Variants in ADCYAP1 observed in about 807,000 individuals in gnomAD.
ADCYAP1 encodes the protein adenylate cyclase activating polypeptide 1.
A neutral mutation model predicts 18.5 loss-of-function variants in ADCYAP1; 6 were observed. That is an observed-to-expected ratio of 0.32 (90% CI 0.18 to 0.64). ADCYAP1 has a LOEUF of 0.64. ADCYAP1 is among the 30% of genes least tolerant of loss of function. The pLI is 0.77. For missense variants in ADCYAP1, 314 were observed against 253.6 expected (o/e 1.24, Z -1.62); for synonymous variants, 136 against 113.9 (o/e 1.19, Z -1.24).
At position 907,519 on chromosome 18, in the gene ADCYAP1, C is replaced by T. The variant is rs1043448369; in HGVS notation, c.111-140C>T. On this transcript the variant is annotated intron_variant, in intron 2 of 4. Coordinates refer to ENST00000450565, the MANE Select transcript of ADCYAP1 (RefSeq NM_001099733.2). The stretch of plus-strand genomic sequence containing the variant: ...TCCTCCTTACCTCTGCTCCCACCCC[C>T]AGTCCTGGGAGAAGAGACAATTCTC... 42 of 911,434 alleles carry T rather than the reference C, an allele frequency of 4.6e-5. No individual in the cohort carries two copies. In the African/African-American group the frequency reaches 6.3e-4, roughly 14 times the overall value. The allele number at this position is 911,434 out of a possible 1,614,324, so 56.5% of individuals were successfully genotyped here.
chr18:907,141 A>G (rs2689002), intron 2 of ADCYAP1, among the ~76,000 whole-genome samples: 150,515 of 152,320 alleles, frequency 0.99, 74,392 homozygotes, highest in Middle Eastern at 1. Context: ...ATCTGCTCGG[A>G]GAAGGGCTCC....
upstream of ADCYAP1, chr18:904,750 A>G: frequency 1.6e-6 from 2 of 1,255,654 alleles, no homozygotes; most frequent in Non-Finnish European, 2.1e-6. Context: ...ACTTACGGCC[A>G]CCTTGCTCCT....
rs1297698447 is a variant in ADCYAP1 at position 906,851 on chromosome 18, C to T, written c.111-808C>T. On this transcript the variant is annotated intron_variant, in intron 2 of 4. Coordinates refer to ENST00000450565, the MANE Select transcript of ADCYAP1 (RefSeq NM_001099733.2). ...CGCCAGGCACTCGCTGGATCTCGGT[C>T]CCCCTCCTCGTGCTCTGGGGTTGAG... Among the ~76,000 whole-genome samples the T allele has an allele frequency of 4.6e-5, 7 of 152,338 alleles. No homozygotes were observed. In the South Asian group the frequency reaches 1.2e-3, roughly 27 times the overall value.
intron 1 of ADCYAP1, 150 bp from the exon 2 acceptor site, chr18:905,236 G>A (rs948410989): frequency 6.8e-6 from 10 of 1,469,600 alleles, no homozygotes; most frequent in South Asian, 1.4e-5. Context: ...AAGTGGCAGG[G>A]CGCGCACCGG....
At chr18:904,736 G>T, upstream of ADCYAP1, 1 of 1,245,136 alleles carries the variant, frequency 8.0e-7, no homozygotes, top group Non-Finnish European at 1.0e-6. Context: ...CTTCCTCCGG[G>T]TGGACTTACG....
intron 2 of ADCYAP1, chr18:906,258 G>T (rs190806002): frequency 2.6e-5 from 4 of 152,364 alleles, no homozygotes; most frequent in African/African-American, 9.7e-5. Context: ...TCTTAACCCC[G>T]GGTTTCTAAC....
At chr18:905,277 C>T (rs1208213457) in intron 1 of ADCYAP1, 109 bp from the exon 2 acceptor site, 2 of 1,520,578 alleles carry the variant, frequency 1.3e-6, no homozygotes, top group Non-Finnish European at 1.8e-6. Flanking sequence ...ACTCAGGGAG[C>T]CGGGGCTTCG....
At chr18:908,205 C>G in intron 3 of ADCYAP1, 60 bp from the exon 4 acceptor site, 1 of 1,489,372 alleles carries the variant, frequency 6.7e-7, no homozygotes, top group Admixed American at 1.9e-5. Context: ...AAGGGGGTCT[C>G]TAGCGGCCAC....
chr18:907,789 A>G lies in ADCYAP1; in HGVS notation c.241A>G (p.Arg81Gly). The G allele has an allele frequency of 7.0e-7, 1 of 1,434,378 alleles. No individual in the cohort carries two copies. Among genetic ancestry groups the G allele is most frequent in the Non-Finnish European group, 9.0e-7 (1 of 1,108,712 alleles). The allele number at this position is 1,434,378 out of a possible 1,614,324, so 88.9% of individuals were successfully genotyped here. Residue 81 changes from arginine to glycine, a missense_variant and splice_region_variant, in exon 3 of 5, where the codon AGA becomes GGA. Coordinates refer to ENST00000450565, the MANE Select transcript of ADCYAP1 (RefSeq NM_001099733.2). ...CGCCTGGTACCGCCCGGCCGGGAGA[A>G]GGTGAGATTCGCGCGGCCTCGCGCA... Reference protein sequence around the residue: ...AAAWYRPAGRRDVAHGILNEA... With the variant: ...AAAWYRPAGRGDVAHGILNEA...
Position 907,783 on chromosome 18 carries a change from G to A in ADCYAP1, c.235G>A (p.Gly79Arg), listed in dbSNP as rs755917178. The part of the protein sequence containing the change: ...RAAAAWYRPA[G>R]RRDVAHGILN... ...CGCCGCCGCCTGGTACCGCCCGGCC[G>A]GGAGAAGGTGAGATTCGCGCGGCCT... The change falls in exon 3 of 5, where the codon GGG becomes AGG. Residue 79 changes from glycine to arginine, a missense_variant. Gly to Arg is a moderately radical substitution (Grantham distance 125). Transcript: ENST00000450565. 9 of 1,439,996 alleles carry A rather than the reference G, an allele frequency of 6.3e-6. No individual in the cohort carries two copies. Among genetic ancestry groups the A allele is most frequent in the Admixed American group, 3.1e-5 (1 of 32,758 alleles). 89.2% of individuals were successfully genotyped at this position (1,439,996 alleles called of 1,614,324 possible).
At chr18:909,143 A>G (rs941293083) in intron 4 of ADCYAP1, among the ~76,000 whole-genome samples, 1 of 148,526 alleles carries the variant, frequency 6.7e-6, no homozygotes, top group Non-Finnish European at 1.5e-5. Flanking sequence ...GTCGGATCTC[A>G]AGGGGGCAGC....
At position 910,404 on chromosome 18, in the gene ADCYAP1, G is replaced by T. The variant is rs1485378560; in HGVS notation, c.*769G>T. 1.3e-5 allele frequency: 2 copies of T among 152,254 alleles called. No individual in the cohort carries two copies. Among genetic ancestry groups the T allele is most frequent in the African/African-American group, 4.8e-5 (2 of 41,456 alleles). The allele number at this position is 152,254 out of a possible 1,614,324, so 9.4% of individuals were successfully genotyped here. On this transcript the variant is annotated 3_prime_UTR_variant, in exon 5 of 5. Coordinates refer to ENST00000450565, the MANE Select transcript of ADCYAP1 (RefSeq NM_001099733.2). ...GAATTCACGCCTCTCCCTAGGAGAA[G>T]AGTTGAGGAACTGTACAGAAAAGGG...
At chr18:909,374 C>T (rs1284922009) in intron 4 of ADCYAP1, 72 bp from the exon 5 acceptor site, 4 of 1,486,764 alleles carry the variant, frequency 2.7e-6, no homozygotes, top group African/African-American at 1.4e-5. Context: ...GGGTGGGGCC[C>T]GCCTGCTCCC....
rs1038914852 is a variant in ADCYAP1, at chr18:910,484, AT to A, written c.*850del. ...ACTTCCTGAGTGGCCAGGGAATCTA[AT>A]ATCCCCAAATTAGGGCAATTGGAAC... is the stretch of plus-strand genomic sequence containing the variant. On this transcript the variant is annotated 3_prime_UTR_variant, in exon 5 of 5. Coordinates refer to ENST00000450565, the MANE Select transcript of ADCYAP1 (RefSeq NM_001099733.2). 2 of 152,218 alleles carry A rather than the reference AT, an allele frequency of 1.3e-5. No individual in the cohort carries two copies. Among genetic ancestry groups the A allele is most frequent in the African/African-American group, 4.8e-5 (2 of 41,456 alleles). 9.4% of individuals were successfully genotyped at this position (152,218 alleles called of 1,614,324 possible). A position where few individuals can be genotyped will look rare whatever the true frequency, so the allele number is the denominator to read the frequency against.
chr18:911,372 AT>A lies in ADCYAP1; in HGVS notation c.*1740del, dbSNP rs1356819909. ...TCTCCCAAATTTCAGGCACAAGTTTATTTATTTATTTTTTTATGTTTTGAAA... is the reference window on the plus strand; with the variant it reads ...TCTCCCAAATTTCAGGCACAAGTTTATTATTTATTTTTTTATGTTTTGAAA... On this transcript the variant is annotated 3_prime_UTR_variant, in exon 5 of 5. Coordinates refer to ENST00000450565, the MANE Select transcript of ADCYAP1 (RefSeq NM_001099733.2). 3.6e-5 allele frequency: 1 copy of A among 27,534 alleles called. No individual in the cohort carries two copies. Among genetic ancestry groups the A allele is most frequent in the Non-Finnish European group, 1.2e-4 (1 of 8,168 alleles). 1.7% of individuals were successfully genotyped at this position (27,534 alleles called of 1,614,324 possible).
At chr18:909,105 A>T (rs1308650539) in intron 4 of ADCYAP1, among the ~76,000 whole-genome samples, 1 of 152,106 alleles carries the variant, frequency 6.6e-6, no homozygotes, top group African/African-American at 2.4e-5. Flanking sequence ...AGGAACAGCG[A>T]GGACAATTTA....
Position 907,639 on chromosome 18 carries a change from T to C in ADCYAP1, c.111-20T>C. On this transcript the variant is annotated intron_variant, in intron 2 of 4. Coordinates refer to ENST00000450565, the MANE Select transcript of ADCYAP1 (RefSeq NM_001099733.2). ...AGGAACTTGCACTGACCACACCTTCTGTCCCCGGCCACCCCGCAGGCCAGA... is the reference window on the plus strand; with the variant it reads ...AGGAACTTGCACTGACCACACCTTCCGTCCCCGGCCACCCCGCAGGCCAGA... 1 of 1,578,828 alleles carries C rather than the reference T, an allele frequency of 6.3e-7. No individual in the cohort carries two copies. The highest frequency in any genetic ancestry group is 8.5e-7 in the Non-Finnish European group (1 of 1,171,076).
intron 3 of ADCYAP1, chr18:908,019 G>C: frequency 1.2e-6 from 1 of 813,900 alleles, no homozygotes; most frequent in Non-Finnish European, 1.8e-6. Flanking sequence ...GGCCCAAAGA[G>C]TGGCAGTGAG....
At chr18:905,667 G>C (rs879185760) in intron 2 of ADCYAP1, 171 bp downstream of exon 2, 1 of 791,040 alleles carries the variant, frequency 1.3e-6, no homozygotes, top group South Asian at 1.8e-5. Flanking sequence ...TTCTAGCCGA[G>C]GGTCTGGCAG....
Sources: allele counts gnomAD v4.1 joint callset (sites outside exome capture counted in the v4.1 genomes callset), GRCh38; gene constraint gnomAD v4.1.1; transcripts MANE v1.5; gene names NCBI Gene and HGNC (gene_info 2026-07-23, HGNC 2026-07-21).